SERPINB7: variants seen among roughly 807,000 people sequenced by gnomAD.
SERPINB7 encodes serpin family B member 7, also known as serpin B7.
Under a neutral mutation model 37.4 loss-of-function variants are expected in SERPINB7, and 31 were observed. That is an observed-to-expected ratio of 0.83 (90% confidence interval 0.62 to 1.12). The LOEUF (loss-of-function observed/expected upper bound fraction) is 1.12, where lower values mean the gene tolerates loss of function less well. SERPINB7 is among the 50% of genes most tolerant of loss of function. The pLI is 0.00. For missense variants in SERPINB7, 521 were observed against 455.3 expected (o/e 1.14, Z -1.31); for synonymous variants, 163 against 166.1 (o/e 0.98, Z 0.14).
At chr18:63,782,213 C>T in intron 1 of SERPINB7, 142 bp from the exon 2 acceptor site, 3 of 464,000 alleles carry the variant, frequency 6.5e-6, no homozygotes, top group Middle Eastern at 1.3e-3. Context: ...GAACTTTTCC[C>T]TTTTTGTTAG....
chr18:63,794,417 G>A (rs978562779), intron 4 of SERPINB7, among the ~76,000 whole-genome samples: 7 of 152,018 alleles, frequency 4.6e-5, no homozygotes, highest in Non-Finnish European at 1.0e-4. Flanking sequence ...TACTCTTTGT[G>A]CGGTGGCTCA....
rs1315117736 is a variant in SERPINB7, at chr18:63,776,603, C to A, written c.-19+887C>A. Among the ~76,000 whole-genome samples the A allele has an allele frequency of 2.7e-5, 4 of 149,664 alleles. No homozygotes were observed. In the Admixed American group the frequency reaches 2.7e-4, roughly 10 times the overall value. On this transcript the variant is annotated intron_variant, in intron 1 of 7. Coordinates refer to ENST00000398019, the MANE Select transcript of SERPINB7 (RefSeq NM_003784.4). The stretch of plus-strand genomic sequence containing the variant: ...CTTAAGATAGTGCGAATTGAAAGAC[C>A]ATGTCCTGGTATGAAGCATAGTTTT...
intron 2 of SERPINB7, among the ~76,000 whole-genome samples, chr18:63,786,040 A>G (rs1192886061): frequency 8.8e-6 from 1 of 113,662 alleles, no homozygotes; most frequent in South Asian, 2.7e-4. Context: ...ATATATACAC[A>G]TATATATAAT....
intron 4 of SERPINB7, among the ~76,000 whole-genome samples, chr18:63,794,679 G>T (rs1260242830): frequency 6.6e-6 from 1 of 151,656 alleles, no homozygotes; most frequent in Non-Finnish European, 1.5e-5. Flanking sequence ...GAAAGAGCGA[G>T]ACTCTGTCTC....
chr18:63,772,033 G>A (rs141744450), upstream of SERPINB7, among the ~76,000 whole-genome samples: 21 of 151,560 alleles, frequency 1.4e-4, no homozygotes, highest in African/African-American at 3.2e-4. Flanking sequence ...ACTGCATGTC[G>A]GCAGGGACGT....
chr18:63,759,168 C>T (rs1459767615), intron 1 of SERPINB7, among the ~76,000 whole-genome samples: 2 of 151,926 alleles, frequency 1.3e-5, no homozygotes, highest in East Asian at 3.9e-4. Flanking sequence ...TATTTTAATG[C>T]ATCTCATTTT....
At chr18:63,786,207 C>CGT (rs1166790134) in intron 2 of SERPINB7, among the ~76,000 whole-genome samples, 1 of 84,280 alleles carries the variant, frequency 1.2e-5, no homozygotes, top group Admixed American at 1.3e-4. Flanking sequence ...ATGGCACATA[C>CGT]GTGTATATAT....
chr18:63,766,019 A>T (rs180890115), intron 1 of SERPINB7, among the ~76,000 whole-genome samples: 94 of 152,176 alleles, frequency 6.2e-4, no homozygotes, highest in Non-Finnish European at 9.1e-4. Context: ...GTCCCCAATC[A>T]CAAGGATGCT....
chr18:63,798,492 T>C (rs2049511317), intron 5 of SERPINB7, 112 bp from the exon 6 acceptor site: 2 of 735,924 alleles, frequency 2.7e-6, no homozygotes, highest in Admixed American at 3.1e-5. Flanking sequence ...AATATTCTTA[T>C]TGGTGTTATT....
At chr18:63,782,305 T>G in intron 1 of SERPINB7, 50 bp from the exon 2 acceptor site, 1 of 1,116,700 alleles carries the variant, frequency 9.0e-7, no homozygotes, top group Non-Finnish European at 1.2e-6. Flanking sequence ...AAATATAATA[T>G]TCCTAGAAAA....
chr18:63,781,089 C>T (rs2049296668), intron 1 of SERPINB7, among the ~76,000 whole-genome samples: 1 of 151,910 alleles, frequency 6.6e-6, no homozygotes. Context: ...TTTAAAAGGC[C>T]TTAAGTATTT....
At chr18:63,754,099 G>T (rs1772684217) in intron 1 of SERPINB7, among the ~76,000 whole-genome samples, 1 of 152,114 alleles carries the variant, frequency 6.6e-6, no homozygotes, top group African/African-American at 2.4e-5. Context: ...CAAAGTCTTT[G>T]GCAGGGTTTT....
intron 1 of SERPINB7, among the ~76,000 whole-genome samples, chr18:63,761,471 G>C (rs2049153318): frequency 6.6e-6 from 1 of 152,180 alleles, no homozygotes; most frequent in African/African-American, 2.4e-5. Context: ...TAAGACTTTG[G>C]GGGACTGTTG....
intron 2 of SERPINB7, among the ~76,000 whole-genome samples, chr18:63,790,352 T>C (rs905446130): frequency 6.6e-6 from 1 of 152,142 alleles, no homozygotes; most frequent in East Asian, 1.9e-4. Flanking sequence ...CATGGTGAGG[T>C]TGATGACAAC....
chr18:63,780,337 T>A (rs527378227), intron 1 of SERPINB7, among the ~76,000 whole-genome samples: 1 of 152,224 alleles, frequency 6.6e-6, no homozygotes, highest in Non-Finnish European at 1.5e-5. Context: ...TTCATTTTCA[T>A]ATATTTAATT....
chr18:63,783,223 AG>A (rs1568207795), intron 2 of SERPINB7, among the ~76,000 whole-genome samples: 1,696 of 73,746 alleles, frequency 0.023, 13 homozygotes, highest in Non-Finnish European at 0.03. Context: ...AGAGAGAGAG[AG>A]AGAGAGAGAG....
chr18:63,779,415 T>C (rs1047389278), intron 1 of SERPINB7, among the ~76,000 whole-genome samples: 12 of 152,158 alleles, frequency 7.9e-5, no homozygotes, highest in African/African-American at 2.9e-4. Context: ...CTTACTTTTA[T>C]TCCTGGAACT....
intron 1 of SERPINB7, among the ~76,000 whole-genome samples, chr18:63,753,838 T>A (rs1393784373): frequency 6.6e-6 from 1 of 152,228 alleles, no homozygotes; most frequent in East Asian, 1.9e-4. Context: ...TGATTCAGAA[T>A]CAGAGGTTCT....
At chr18:63,766,947 C>T (rs2049183964) in intron 1 of SERPINB7, among the ~76,000 whole-genome samples, 1 of 152,114 alleles carries the variant, frequency 6.6e-6, no homozygotes, top group African/African-American at 2.4e-5. Flanking sequence ...CTTCCACATC[C>T]AATCAGCAAG....
Sources: gnomAD v4.1 joint callset for allele counts (sites outside exome capture counted in the v4.1 genomes callset) on GRCh38, gnomAD v4.1.1 for gene constraint, MANE v1.5 for transcripts, NCBI Gene and HGNC (gene_info 2026-07-23, HGNC 2026-07-21) for gene names.